The following RARB variants were observed in gnomAD, a reference collection of about 807,000 sequenced individuals.
RARB encodes HBV-activated protein.
RARB carries 17 observed loss-of-function variants against 51.9 expected under a neutral mutation model. The observed-to-expected ratio is 0.33, with a 90% confidence interval of 0.22 to 0.49. RARB has a LOEUF of 0.49. Ranked by LOEUF, RARB falls within the 20% of genes least tolerant of loss-of-function variation. The probability of loss-of-function intolerance (pLI) is 0.99; values close to 1 mark genes in which losing one functional copy is unlikely to be tolerated. For synonymous variants in RARB, 215 were observed against 195.4 expected (o/e 1.10, Z -0.84); for missense variants, 369 against 550.8 (o/e 0.67, Z 3.30).
intron 5 of RARB, among the ~76,000 whole-genome samples, chr3:25,350,301 T>A (rs976326098): frequency 6.6e-6 from 1 of 152,176 alleles, no homozygotes; most frequent in African/African-American, 2.4e-5. Context: ...CACTCCCTAC[T>A]GTTTCGGAGC....
chr3:24,989,419 C>G (rs1696864676), intron 2 of RARB, among the ~76,000 whole-genome samples: 1 of 114,084 alleles, frequency 8.8e-6, no homozygotes, highest in Non-Finnish European at 1.8e-5. Flanking sequence ...AGAATTTTCT[C>G]TCTAATATTG....
intron 5 of RARB, among the ~76,000 whole-genome samples, chr3:25,367,253 G>A (rs1166417260): frequency 1.3e-5 from 2 of 152,088 alleles, no homozygotes; most frequent in Non-Finnish European, 2.9e-5. Flanking sequence ...TCCAGGCTAT[G>A]GTAGCATTTG....
At chr3:25,251,811 T>A (rs1357630950) in intron 5 of RARB, among the ~76,000 whole-genome samples, 2 of 152,180 alleles carry the variant, frequency 1.3e-5, no homozygotes, top group Non-Finnish European at 2.9e-5. Flanking sequence ...TCTTTTGGGT[T>A]GTCTTTTTGT....
At chr3:25,325,041 G>T (rs1232878955) in intron 5 of RARB, among the ~76,000 whole-genome samples, 1 of 152,212 alleles carries the variant, frequency 6.6e-6, no homozygotes, top group Non-Finnish European at 1.5e-5. Context: ...TCCATAGGCA[G>T]AGCAGTGCCA....
At chr3:25,317,760 T>C (rs1704465969) in intron 5 of RARB, among the ~76,000 whole-genome samples, 1 of 152,216 alleles carries the variant, frequency 6.6e-6, no homozygotes, top group African/African-American at 2.4e-5. Flanking sequence ...TTTATAATTA[T>C]CATCTCAACT....
rs77033437 is a variant in RARB at position 25,190,004 on chromosome 3, A to T, written c.178+15429A>T. ...TGGGGCCAGAGTTAGAACTGAATGA[A>T]GTAATGTTTAGGAGAGACTTTGCAT... is the stretch of plus-strand genomic sequence containing the variant. On this transcript the variant is annotated intron_variant, in intron 5 of 11. Transcript: ENST00000383772. 0.012 allele frequency among the ~76,000 whole-genome samples: 1,837 copies of T among 152,188 alleles called. 97 individuals carry two copies. The East Asian group carries it at 0.14, about 12-fold the overall frequency.
At chr3:24,975,277 A>AT (rs1559418071) in intron 2 of RARB, among the ~76,000 whole-genome samples, 2 of 152,080 alleles carry the variant, frequency 1.3e-5, no homozygotes, top group African/African-American at 4.8e-5. Context: ...GATAGTTGCT[A>AT]TTATTACTGT....
In RARB at chr3:25,146,510, TG is replaced by T. The variant is rs1553637170; in HGVS notation, c.-280+14303del. The stretch of plus-strand genomic sequence containing the variant: ...TTGCTAAGTTTTTTGTTTGTTTGTT[TG>T]TTTTTTTTTTTTTGAGACAAGAGTC... On this transcript the variant is annotated intron_variant, in intron 4 of 11. Coordinates refer to the RARB transcript ENST00000383772. 8.3e-4 allele frequency among the ~76,000 whole-genome samples: 112 copies of T among 135,520 alleles called. 1 individual carries two copies. The highest frequency in any genetic ancestry group is 1.3e-3 in the African/African-American group (45 of 35,468). 88.9% of individuals were successfully genotyped at this position (135,520 alleles called of 152,430 possible).
intron 5 of RARB, among the ~76,000 whole-genome samples, chr3:25,323,520 A>G (rs2164476): frequency 0.24 from 36,505 of 152,160 alleles, 5,128 homozygotes; most frequent in African/African-American, 0.4. Flanking sequence ...GGATTTTCTT[A>G]TAACATATTC....
chr3:24,864,396 T>C (rs908793914), intron 2 of RARB, among the ~76,000 whole-genome samples: 20 of 152,230 alleles, frequency 1.3e-4, no homozygotes, highest in African/African-American at 4.6e-4. Flanking sequence ...TCTGGATACT[T>C]CCCTGGCTCT....
intron 5 of RARB, among the ~76,000 whole-genome samples, chr3:25,260,171 G>T (rs1417974277): frequency 6.6e-6 from 1 of 152,110 alleles, no homozygotes; most frequent in African/African-American, 2.4e-5. Flanking sequence ...CCCTGGAATA[G>T]GGCACCCTGG....
chr3:25,418,164 C>T (rs1334002319), intron 5 of RARB, among the ~76,000 whole-genome samples: 3 of 152,112 alleles, frequency 2.0e-5, no homozygotes, highest in Non-Finnish European at 4.4e-5. Context: ...AATATGGTGT[C>T]TATCTGGATG....
chr3:25,206,821 A>G (rs910028399), intron 5 of RARB, among the ~76,000 whole-genome samples: 1 of 152,290 alleles, frequency 6.6e-6, no homozygotes, highest in East Asian at 1.9e-4. Context: ...ACTTTTTCTC[A>G]TCCATGTTCA....
At chr3:24,991,178 C>T (rs902288226) in intron 2 of RARB, among the ~76,000 whole-genome samples, 23 of 152,328 alleles carry the variant, frequency 1.5e-4, no homozygotes, top group Admixed American at 3.9e-4. Context: ...CGGTGACTCA[C>T]GCCTGTAATC....
chr3:24,993,245 A>C (rs1428443884), intron 2 of RARB, among the ~76,000 whole-genome samples: 2 of 152,150 alleles, frequency 1.3e-5, no homozygotes, highest in Non-Finnish European at 2.9e-5. Flanking sequence ...ATGTTTTGAC[A>C]ACCTTTTACA....
At chr3:24,886,698 A>G (rs775602983) in intron 2 of RARB, among the ~76,000 whole-genome samples, 1 of 152,086 alleles carries the variant, frequency 6.6e-6, no homozygotes, top group Admixed American at 6.6e-5. Flanking sequence ...TGCCTCCCAA[A>G]GTGCTGGGAT....
chr3:25,596,661 C>T lies in RARB; in HGVS notation c.*45C>T, dbSNP rs1701848604. On this transcript the variant is annotated 3_prime_UTR_variant, in exon 8 of 8. Transcript: ENST00000330688. ...AAACATTCCCCAGTACCTTCAGTTC[C>T]AGGATTTAAAATGCAAGAAAAAACA... 6.9e-7 allele frequency: 1 copy of T among 1,455,716 alleles called. No homozygotes were observed. Among genetic ancestry groups the T allele is most frequent in the Non-Finnish European group, 9.4e-7 (1 of 1,066,868 alleles). The allele number at this position is 1,455,716 out of a possible 1,614,324, so 90.2% of individuals were successfully genotyped here.
intron 2 of RARB, among the ~76,000 whole-genome samples, chr3:25,011,951 G>T (rs957822010): frequency 6.6e-6 from 1 of 152,094 alleles, no homozygotes; most frequent in African/African-American, 2.4e-5. Flanking sequence ...TCATGCAAAG[G>T]TCATAAAGGG....
chr3:25,063,920 G>T (rs932500133), intron 3 of RARB, among the ~76,000 whole-genome samples: 3 of 151,958 alleles, frequency 2.0e-5, no homozygotes, highest in Admixed American at 6.6e-5. Flanking sequence ...GCAAGGCTCA[G>T]GGAAGACTCT....
Sources: allele counts gnomAD v4.1 joint callset (sites outside exome capture counted in the v4.1 genomes callset), GRCh38; gene constraint gnomAD v4.1.1; transcripts MANE v1.5; gene names NCBI Gene and HGNC (gene_info 2026-07-23, HGNC 2026-07-21).